USP8: variants seen among roughly 807,000 people sequenced by gnomAD.
The protein encoded by USP8 is ubiquitin specific peptidase 8.
In USP8, 27 loss-of-function variants were observed where a neutral mutation model predicts 130.0. The observed-to-expected ratio is 0.21, with a 90% CI of 0.15 to 0.29. The LOEUF is 0.29. USP8 is among the 10% of genes least tolerant of loss of function. The pLI is 1.00. For missense variants in USP8, 1,029 were observed against 1,312.2 expected (o/e 0.78, Z 3.33); for synonymous variants, 392 against 444.1 (o/e 0.88, Z 1.48).
intron 1 of USP8, among the ~76,000 whole-genome samples, chr15:50,435,688 T>A (rs2050072129): frequency 1.3e-5 from 2 of 152,212 alleles, no homozygotes; most frequent in African/African-American, 4.8e-5. Flanking sequence ...AGTGACGGTA[T>A]AACTTACATG....
chr15:50,444,344 A>G (rs1180715872), intron 3 of USP8, among the ~76,000 whole-genome samples: 1 of 150,900 alleles, frequency 6.6e-6, no homozygotes, highest in Non-Finnish European at 1.5e-5. Context: ...ACCCTCGGTG[A>G]TCCACCTACC....
At position 50,474,280 on chromosome 15, in the gene USP8, G is replaced by T. The variant is rs139292074; in HGVS notation, c.849+2485G>T. Among the ~76,000 whole-genome samples the T allele has an allele frequency of 2.0e-4, 31 of 152,264 alleles. No individual in the cohort carries two copies. The East Asian group carries it at 5.6e-3, about 27-fold the overall frequency. ...AGCCTCCCACAGTGCTGGTATTACAGGTGTGAGCCACCACACCCAGTCAAT... is the reference window on the plus strand; with the variant it reads ...AGCCTCCCACAGTGCTGGTATTACATGTGTGAGCCACCACACCCAGTCAAT... On this transcript the variant is annotated intron_variant, in intron 8 of 19. Coordinates refer to ENST00000307179, the MANE Select transcript of USP8 (RefSeq NM_005154.5).
chr15:50,502,421 T>C lies in USP8; in HGVS notation c.*3333T>C, dbSNP rs557202391. ...TCTTGCTCTGTTGCCCAGGCTGGAG[T>C]GCAGTGACGTGATCTCAGCTCACCA... On this transcript the variant is annotated 3_prime_UTR_variant, in exon 20 of 20. Coordinates refer to ENST00000307179, the MANE Select transcript of USP8 (RefSeq NM_005154.5). The C allele has an allele frequency of 7.3e-5, 11 of 151,682 alleles. 1 individual carries two copies. The East Asian group carries it at 2.1e-3, about 30-fold the overall frequency. The allele number at this position is 151,682 out of a possible 1,614,324, so 9.4% of individuals were successfully genotyped here.
At chr15:50,425,977 T>C (rs2141239545) in intron 1 of USP8, among the ~76,000 whole-genome samples, 1 of 152,154 alleles carries the variant, frequency 6.6e-6, no homozygotes, top group East Asian at 1.9e-4. Flanking sequence ...CAAAATTAGC[T>C]GGGCGTGGTG....
intron 5 of USP8, among the ~76,000 whole-genome samples, chr15:50,460,837 G>A (rs2050969504): frequency 1.3e-5 from 2 of 152,002 alleles, no homozygotes; most frequent in African/African-American, 4.8e-5. Context: ...TTATCATTCT[G>A]TGTGGATCAT....
In USP8 at chr15:50,505,258, CAA is replaced by C. The variant is rs904335856; in HGVS notation, c.*6172_*6173del. ...AAATAATACTGCAGAACAACAGAGA[CAA>C]AGAGAAAAAGCTTAAAAGCAACCAG... is the stretch of plus-strand genomic sequence containing the variant. On this transcript the variant is annotated 3_prime_UTR_variant, in exon 20 of 20. Coordinates refer to ENST00000307179, the MANE Select transcript of USP8 (RefSeq NM_005154.5). 7 of 151,894 alleles carry C rather than the reference CAA, an allele frequency of 4.6e-5. No homozygotes were observed. The highest frequency in any genetic ancestry group is 1.2e-4 in the African/African-American group (5 of 41,354). 9.4% of individuals were successfully genotyped at this position (151,894 alleles called of 1,614,324 possible). A position where few individuals can be genotyped will look rare whatever the true frequency, so the allele number is the denominator to read the frequency against.
At chr15:50,449,291 TAAAAC>T (rs1379198418) in intron 3 of USP8, 104 bp from the exon 4 acceptor site, 1 of 567,120 alleles carries the variant, frequency 1.8e-6, no homozygotes, top group Non-Finnish European at 2.8e-6. Flanking sequence ...TCCATTGTAA[TAAAAC>T]AAACTTCCCT....
intron 1 of USP8, among the ~76,000 whole-genome samples, chr15:50,425,220 CAGAGCCTAAGGAATTTAGTATTTGTTA>C (rs2049673996): frequency 1.3e-5 from 2 of 152,180 alleles, no homozygotes; most frequent in Admixed American, 1.3e-4. Context: ...GGAGGTGTTG[CAGAGCCTAAGGAATTTAGTATTTGTTA>C]AGAGACCTGA....
At chr15:50,452,460 GGGGGTA>G (rs1214208934) in intron 4 of USP8, among the ~76,000 whole-genome samples, 5 of 152,184 alleles carry the variant, frequency 3.3e-5, no homozygotes, top group Non-Finnish European at 5.9e-5. Flanking sequence ...ATCCAAGGTA[GGGGGTA>G]AGGTGTGGAT....
intron 8 of USP8, among the ~76,000 whole-genome samples, chr15:50,473,255 T>G (rs914117136): frequency 2.6e-5 from 4 of 152,132 alleles, no homozygotes; most frequent in Admixed American, 2.6e-4. Context: ...ACAAAATCCA[T>G]GGATATTCAA....
intron 12 of USP8, among the ~76,000 whole-genome samples, chr15:50,488,761 T>TTTTTTA: frequency 1.3e-5 from 2 of 150,460 alleles, no homozygotes. Context: ...TTAGTAGAGA[T>TTTTTTA]GGGGTTTCAC....
At chr15:50,493,534 C>A in intron 15 of USP8, 1 of 514,798 alleles carries the variant, frequency 1.9e-6, no homozygotes, top group South Asian at 1.4e-5. Flanking sequence ...GGGCAGATCA[C>A]TTGGGGCCCA....
intron 12 of USP8, among the ~76,000 whole-genome samples, chr15:50,488,532 T>G (rs2052040314): frequency 6.8e-6 from 1 of 147,600 alleles, no homozygotes; most frequent in Non-Finnish European, 1.5e-5. Context: ...CACAGGTGCA[T>G]GCCATCACAT....
intron 8 of USP8, among the ~76,000 whole-genome samples, chr15:50,474,952 T>C (rs2051510695): frequency 6.6e-6 from 1 of 151,868 alleles, no homozygotes; most frequent in African/African-American, 2.4e-5. Flanking sequence ...CTACTAAAAT[T>C]ACAAAAATTT....
At chr15:50,444,097 GTTTTTTTTTTTTTTT>G (rs751970462) in intron 3 of USP8, among the ~76,000 whole-genome samples, 1 of 117,490 alleles carries the variant, frequency 8.5e-6, no homozygotes, top group Non-Finnish European at 1.7e-5. Context: ...TGTGTGGTAG[GTTTTTTTTTTTTTTT>G]TTTTTTTTAA....
intron 7 of USP8, 42 bp from the exon 8 acceptor site, chr15:50,471,591 C>T: frequency 6.3e-7 from 1 of 1,597,286 alleles, no homozygotes; most frequent in African/African-American, 1.3e-5. Flanking sequence ...ATTAGGACCT[C>T]TTGTTGACTT....
At chr15:50,431,956 A>G (rs1268588739) in intron 1 of USP8, among the ~76,000 whole-genome samples, 1 of 152,158 alleles carries the variant, frequency 6.6e-6, no homozygotes, top group Non-Finnish European at 1.5e-5. Context: ...ATGCCCAGCC[A>G]GATGTCCTCC....
rs1244304180 is a variant in USP8 at position 50,477,471 on chromosome 15, C to T, written c.1190C>T (p.Pro397Leu). 1 of 1,613,992 alleles carries T rather than the reference C, an allele frequency of 6.2e-7. No homozygotes were observed. The highest frequency in any genetic ancestry group is 8.5e-7 in the Non-Finnish European group (1 of 1,179,964). ...SKSDVSPIIQPVPSIKNVPQI... is the reference protein window; with the variant it reads ...SKSDVSPIIQLVPSIKNVPQI... ...TCTGATGTTTCACCCATAATTCAGC[C>T]AGTGCCTAGTATAAAGAATGTTCCA... The change falls in exon 10 of 20, where the codon CCA (proline) becomes CTA (leucine). Residue 397 changes from proline to leucine, a missense_variant. Pro to Leu is a moderately conservative substitution (Grantham distance 98). Around this residue, in one of 4 missense-constraint regions of USP8, gnomAD observed 486 missense variants for 522.0 expected, o/e 0.93. Coordinates refer to ENST00000307179, the MANE Select transcript of USP8 (RefSeq NM_005154.5).
chr15:50,505,799 AAAT>A lies in USP8; in HGVS notation c.*6714_*6716del, dbSNP rs1382213566. 3.9e-5 allele frequency: 6 copies of A among 152,348 alleles called. No individual in the cohort carries two copies. The highest frequency in any genetic ancestry group is 3.3e-4 in the Admixed American group (5 of 15,290). The allele number at this position is 152,348 out of a possible 1,614,324, so 9.4% of individuals were successfully genotyped here. A position where few individuals can be genotyped will look rare whatever the true frequency, so the allele number is the denominator to read the frequency against. ...CATAGTGAGACCTGGTCTCTAAAAAAAATAAAAAAGTTGGCCATGCACAGTAGC... is the reference window on the plus strand; with the variant it reads ...CATAGTGAGACCTGGTCTCTAAAAAAAAAAAAGTTGGCCATGCACAGTAGC... On this transcript the variant is annotated 3_prime_UTR_variant, in exon 20 of 20. Coordinates refer to ENST00000307179, the MANE Select transcript of USP8 (RefSeq NM_005154.5).
Sources: gnomAD v4.1 joint callset for allele counts (sites outside exome capture counted in the v4.1 genomes callset) on GRCh38, gnomAD v4.1.1 for gene constraint, gnomAD v4.1.1 regional missense constraint, MANE v1.5 for transcripts, NCBI Gene and HGNC (gene_info 2026-07-23, HGNC 2026-07-21) for gene names.